Variants in PEAK1 observed in about 807,000 individuals in gnomAD.
PEAK1 encodes inactive tyrosine-protein kinase PEAK1.
Under a neutral mutation model 124.7 loss-of-function variants are expected in PEAK1, and 54 were observed. The ratio of observed to expected loss-of-function variants is 0.43; its 90% CI spans 0.35 to 0.54. The LOEUF is 0.54. Among genes scored for constraint, PEAK1 ranks in the 20% least tolerant of loss-of-function variants. The pLI, the probability that PEAK1 is intolerant of heterozygous loss-of-function variation, is 0.01. For synonymous variants in PEAK1, 719 were observed against 760.0 expected (o/e 0.95, Z 0.89); for missense variants, 2,046 against 2,134.5 (o/e 0.96, Z 0.82).
chr15:77,303,220 T>C (rs779621741), intron 2 of PEAK1, among the ~76,000 whole-genome samples: 1 of 152,214 alleles, frequency 6.6e-6, no homozygotes, highest in Non-Finnish European at 1.5e-5. Flanking sequence ...GCTACAAACA[T>C]TTGTGTACAG....
chr15:77,419,318 A>ACGC, intron 1 of PEAK1: 2 of 985,216 alleles, frequency 2.0e-6, no homozygotes, highest in Non-Finnish European at 2.4e-6. Context: ...GAGGGGGCAG[A>ACGC]CGCGGTTCAG....
intron 6 of PEAK1, among the ~76,000 whole-genome samples, chr15:77,200,408 G>A (rs1213680142): frequency 6.6e-6 from 1 of 152,112 alleles, no homozygotes; most frequent in Non-Finnish European, 1.5e-5. Context: ...GACTGTGTGT[G>A]GGGTCAGCAT....
chr15:77,191,140 A>G (rs2057811970), intron 6 of PEAK1, among the ~76,000 whole-genome samples: 1 of 152,218 alleles, frequency 6.6e-6, no homozygotes, highest in Non-Finnish European at 1.5e-5. Context: ...TAAAAACAAT[A>G]ATCTCTTATG....
chr15:77,402,254 A>G (rs2071434866), intron 1 of PEAK1: 1 of 984,970 alleles, frequency 1.0e-6, no homozygotes, highest in Non-Finnish European at 1.2e-6. Flanking sequence ...AATGGAACAG[A>G]AACAAGCAGA....
At position 77,180,148 on chromosome 15, in the gene PEAK1, A is replaced by G. The variant is rs2057157869; in HGVS notation, c.1779T>C (p.Ile593=). The part of the protein sequence containing the change: ...IPVKSPNLSE[I]KFNSYNNAGM... ...CAGCATTGTTATAACTATTAAATTTAATTTCAGACAAATTAGGTGACTTAA... is the reference window on the plus strand; with the variant it reads ...CAGCATTGTTATAACTATTAAATTTGATTTCAGACAAATTAGGTGACTTAA... The change falls in exon 7 of 10, where the codon ATT becomes ATC. Residue 593 remains isoleucine (I), a synonymous_variant. Coordinates refer to ENST00000682557, the MANE Select transcript of PEAK1 (RefSeq NM_001385026.1). 6.2e-7 allele frequency: 1 copy of G among 1,614,106 alleles called. No homozygotes were observed. The highest frequency in any genetic ancestry group is 8.5e-7 in the Non-Finnish European group (1 of 1,179,972).
Position 77,179,432 on chromosome 15 carries a change from G to A in PEAK1, c.2495C>T (p.Pro832Leu), listed in dbSNP as rs1222487570. 4 of 1,614,004 alleles carry A rather than the reference G, an allele frequency of 2.5e-6. No individual in the cohort carries two copies. The highest frequency in any genetic ancestry group is 3.4e-6 in the Non-Finnish European group (4 of 1,180,034). Residue 832 changes from proline to leucine, a missense_variant, in exon 7 of 10, where the codon CCT becomes CTT. Physicochemically the swap from Pro to Leu is moderately conservative, Grantham distance 98. Transcript: ENST00000682557. ...GGTGGTAGGACTGTCTGTGGTCTGA[G>A]GTGCTTCAGCCTCACCACTAGGCTG... is the stretch of plus-strand genomic sequence containing the variant. ...TSQPSGEAEA[P>L]QTTDSPTTKV...
chr15:77,419,089 C>T, intron 1 of PEAK1: 1 of 985,380 alleles, frequency 1.0e-6, no homozygotes, highest in Non-Finnish European at 1.2e-6. Context: ...CTCATCACTA[C>T]CCCCTCAACG....
At chr15:77,265,234 C>T (rs948477908) in intron 5 of PEAK1, among the ~76,000 whole-genome samples, 2 of 152,094 alleles carry the variant, frequency 1.3e-5, no homozygotes, top group Non-Finnish European at 2.9e-5. Flanking sequence ...GCAATGGCAA[C>T]AAAAGCCAAA....
rs912860296 is a variant in PEAK1, at chr15:77,185,661, G to C, written c.-114-3621C>G. On this transcript the variant is annotated intron_variant, in intron 6 of 9. Coordinates refer to ENST00000682557, the MANE Select transcript of PEAK1 (RefSeq NM_001385026.1). ...TGAAGAGTGAGATAATAGAGCAATG[G>C]TAGATAACTTTTGGAGAAGAGTAGG... 2.6e-5 allele frequency among the ~76,000 whole-genome samples: 4 copies of C among 152,190 alleles called. No individual in the cohort carries two copies. In the East Asian group the frequency reaches 7.7e-4, roughly 29 times the overall value.
At chr15:77,124,214 C>T (rs867976021) in intron 9 of PEAK1, among the ~76,000 whole-genome samples, 1 of 152,230 alleles carries the variant, frequency 6.6e-6, no homozygotes. Context: ...ACAGATTTTC[C>T]AATTGCTCCT....
At chr15:77,419,296 G>C (rs1191800771) in intron 1 of PEAK1, 16 of 985,298 alleles carry the variant, frequency 1.6e-5, no homozygotes, top group Non-Finnish European at 1.8e-5. Flanking sequence ...GATGGTGCAT[G>C]CGACGAGAGG....
At chr15:77,336,320 G>A (rs1050447423) in intron 2 of PEAK1, 52 of 985,268 alleles carry the variant, frequency 5.3e-5, no homozygotes, top group Non-Finnish European at 5.8e-5. Flanking sequence ...TACTTGCAAC[G>A]AGGGCTCACC....
intron 2 of PEAK1, chr15:77,349,056 T>TTTG (rs1190058887): frequency 1.1e-6 from 1 of 882,584 alleles, no homozygotes; most frequent in African/African-American, 1.8e-5. Flanking sequence ...TTTTTTTTTT[T>TTTG]TGAGGCGGAG....
intron 1 of PEAK1, chr15:77,403,195 T>C (rs933416418): frequency 5.1e-6 from 5 of 985,308 alleles, no homozygotes; most frequent in Non-Finnish European, 6.0e-6. Context: ...AATGAGATTG[T>C]ATTTGTCTCT....
chr15:77,140,591 T>C (rs981439965), intron 8 of PEAK1, among the ~76,000 whole-genome samples: 1 of 152,034 alleles, frequency 6.6e-6, no homozygotes, highest in Non-Finnish European at 1.5e-5. Flanking sequence ...GAAGAGAACA[T>C]CCTCAACCTG....
Position 77,240,329 on chromosome 15 carries a change from G to A in PEAK1, c.-115+12038C>T, listed in dbSNP as rs186364242. ...TATTTTCTCTTGTTTCTTTACAAAT[G>A]TTTTGTTTGGCTGGGTGTAGTGGCT... On this transcript the variant is annotated intron_variant, in intron 6 of 9. Coordinates refer to ENST00000682557, the MANE Select transcript of PEAK1 (RefSeq NM_001385026.1). 9.9e-5 allele frequency among the ~76,000 whole-genome samples: 15 copies of A among 152,160 alleles called. No individual in the cohort carries two copies. In the East Asian group the frequency reaches 2.9e-3, roughly 29 times the overall value.
chr15:77,366,923 CAGG>C (rs1430255778), intron 1 of PEAK1, among the ~76,000 whole-genome samples: 1 of 152,130 alleles, frequency 6.6e-6, no homozygotes, highest in Non-Finnish European at 1.5e-5. Flanking sequence ...ATCATGAGGT[CAGG>C]AGATGGAGAC....
chr15:77,149,461 T>A (rs1394717925), intron 8 of PEAK1, among the ~76,000 whole-genome samples: 2 of 152,236 alleles, frequency 1.3e-5, no homozygotes, highest in East Asian at 1.9e-4. Context: ...ACACCATTTT[T>A]AAAAGTTATC....
chr15:77,331,003 T>C, intron 2 of PEAK1: 1 of 902,512 alleles, frequency 1.1e-6, no homozygotes, highest in Non-Finnish European at 1.3e-6. Context: ...TCAAAGTATA[T>C]CTAAAATTTA....
Sources: gnomAD v4.1 joint callset for allele counts (sites outside exome capture counted in the v4.1 genomes callset) on GRCh38, gnomAD v4.1.1 for gene constraint, MANE v1.5 for transcripts, NCBI Gene and HGNC (gene_info 2026-07-23, HGNC 2026-07-21) for gene names.